The following ZCWPW2 variants were observed in gnomAD, a reference collection of about 807,000 sequenced individuals.
ZCWPW2 encodes the protein zinc finger CW-type PWWP domain protein 2.
Under a neutral mutation model 46.6 loss-of-function variants are expected in ZCWPW2, and 45 were observed. The ratio of observed to expected loss-of-function variants is 0.96; its 90% confidence interval spans 0.76 to 1.24. ZCWPW2 has a LOEUF of 1.24. ZCWPW2 is among the 50% of genes most tolerant of loss of function. The probability of loss-of-function intolerance (pLI) is 0.00; values close to 1 mark genes in which losing one functional copy is unlikely to be tolerated. For missense variants in ZCWPW2, 429 were observed against 403.9 expected (o/e 1.06, Z -0.53); for synonymous variants, 152 against 137.1 (o/e 1.11, Z -0.76).
intron 5 of ZCWPW2, among the ~76,000 whole-genome samples, chr3:28,490,163 A>C (rs1218778626): frequency 6.6e-6 from 1 of 152,156 alleles, no homozygotes; most frequent in Non-Finnish European, 1.5e-5. Context: ...AAAAAGTCAA[A>C]AAATAACAAA....
rs1704411601 is a variant in ZCWPW2 at position 28,349,035 on chromosome 3, C to T, written c.-302C>T. On this transcript the variant is annotated 5_prime_UTR_variant, in exon 1 of 10. Coordinates refer to ENST00000383768, the MANE Select transcript of ZCWPW2 (RefSeq NM_001040432.4). ...TCGGCGCCAGGGACGCGCGAGGAAACCGGAAGTCAGGCCCGAGGGAGCTGG... is the reference window on the plus strand; with the variant it reads ...TCGGCGCCAGGGACGCGCGAGGAAATCGGAAGTCAGGCCCGAGGGAGCTGG... 2 of 986,322 alleles carry T rather than the reference C, an allele frequency of 2.0e-6. No homozygotes were observed. The highest frequency in any genetic ancestry group is 4.7e-5 in the South Asian group (1 of 21,322). 61.1% of individuals were successfully genotyped at this position (986,322 alleles called of 1,614,324 possible). A position where few individuals can be genotyped will look rare whatever the true frequency, so the allele number is the denominator to read the frequency against.
At chr3:28,448,820 A>G (rs1698108313) in intron 4 of ZCWPW2, among the ~76,000 whole-genome samples, 1 of 138,768 alleles carries the variant, frequency 7.2e-6, no homozygotes, top group South Asian at 2.3e-4. Context: ...AAAAAAAAAA[A>G]AAAAAAAAAA....
At chr3:28,464,325 G>C (rs1275459327) in intron 4 of ZCWPW2, among the ~76,000 whole-genome samples, 1 of 152,036 alleles carries the variant, frequency 6.6e-6, no homozygotes, top group Non-Finnish European at 1.5e-5. Flanking sequence ...CCAGGGGTCA[G>C]TTTAAAAGGG....
intron 1 of ZCWPW2, among the ~76,000 whole-genome samples, chr3:28,387,600 CTTTA>C (rs1575076299): frequency 2.0e-5 from 3 of 152,072 alleles, no homozygotes; most frequent in Non-Finnish European, 4.4e-5. Flanking sequence ...ATTAGATTTG[CTTTA>C]TTTATCTTTA....
intron 6 of ZCWPW2, among the ~76,000 whole-genome samples, chr3:28,500,985 T>C (rs985553488): frequency 6.6e-6 from 1 of 151,600 alleles, no homozygotes; most frequent in Non-Finnish European, 1.5e-5. Flanking sequence ...TAGGCCAGTG[T>C]TCCCCAGACT....
intron 1 of ZCWPW2, among the ~76,000 whole-genome samples, chr3:28,381,000 GTATATATATATATATATATATT>G (rs1695059304): frequency 6.6e-4 from 3 of 4,566 alleles, no homozygotes; most frequent in African/African-American, 3.3e-3. Flanking sequence ...TATATATTTG[GTATATATATATATATATATATT>G]TGGTATATAT....
At chr3:28,475,978 G>A (rs1034670567) in intron 4 of ZCWPW2, among the ~76,000 whole-genome samples, 1 of 151,894 alleles carries the variant, frequency 6.6e-6, no homozygotes, top group African/African-American at 2.4e-5. Flanking sequence ...AGCTTTGTCT[G>A]TTTTCTTCAA....
intron 1 of ZCWPW2, among the ~76,000 whole-genome samples, chr3:28,372,841 G>A (rs1230300060): frequency 6.6e-6 from 1 of 152,070 alleles, no homozygotes; most frequent in African/African-American, 2.4e-5. Flanking sequence ...TGTACCCATT[G>A]TTTAGCTGTC....
At chr3:28,422,124 C>T (rs1238464733) in intron 3 of ZCWPW2, among the ~76,000 whole-genome samples, 1 of 152,092 alleles carries the variant, frequency 6.6e-6, no homozygotes, top group East Asian at 1.9e-4. Context: ...CTTTCTCCCT[C>T]TGACACCCAC....
At chr3:28,488,572 G>A (rs1699687303) in intron 5 of ZCWPW2, among the ~76,000 whole-genome samples, 1 of 152,124 alleles carries the variant, frequency 6.6e-6, no homozygotes, top group African/African-American at 2.4e-5. Context: ...ATTGAATTAT[G>A]TTAATATTTG....
intron 1 of ZCWPW2, among the ~76,000 whole-genome samples, chr3:28,379,139 T>G (rs555087084): frequency 5.1e-4 from 78 of 152,104 alleles, no homozygotes; most frequent in Non-Finnish European, 8.4e-4. Flanking sequence ...TAGCAAACCC[T>G]CAAGAAAAAG....
At chr3:28,433,953 A>T (rs1414440362) in intron 3 of ZCWPW2, among the ~76,000 whole-genome samples, 2 of 147,846 alleles carry the variant, frequency 1.4e-5, no homozygotes, top group East Asian at 2.0e-4. Context: ...AATATCTGTG[A>T]TATTCCTCCT....
intron 2 of ZCWPW2, among the ~76,000 whole-genome samples, chr3:28,397,254 A>C (rs139315126): frequency 6.6e-6 from 1 of 152,366 alleles, no homozygotes; most frequent in African/African-American, 2.4e-5. Context: ...AAGAATTTAT[A>C]TTGGCTATAC....
At chr3:28,475,827 C>G (rs1450001042) in intron 4 of ZCWPW2, among the ~76,000 whole-genome samples, 1 of 152,096 alleles carries the variant, frequency 6.6e-6, no homozygotes, top group African/African-American at 2.4e-5. Context: ...GTTACCTTGA[C>G]CACTCATTAC....
At chr3:28,474,750 A>G (rs1381687246) in intron 4 of ZCWPW2, among the ~76,000 whole-genome samples, 1 of 152,134 alleles carries the variant, frequency 6.6e-6, no homozygotes, top group African/African-American at 2.4e-5. Context: ...CCTCGATGTC[A>G]TAATTATCTT....
chr3:28,464,084 A>G (rs560920670), intron 4 of ZCWPW2, among the ~76,000 whole-genome samples: 3 of 150,160 alleles, frequency 2.0e-5, no homozygotes, highest in East Asian at 3.9e-4. Flanking sequence ...GAAGATGGCC[A>G]TTTTTCTTTA....
At chr3:28,365,029 T>C (rs1334790776) in intron 1 of ZCWPW2, among the ~76,000 whole-genome samples, 4 of 152,068 alleles carry the variant, frequency 2.6e-5, no homozygotes, top group African/African-American at 9.7e-5. Context: ...TTGAGTTCAT[T>C]GTAGATTCTG....
rs116265329 is a variant in ZCWPW2 at position 28,443,328 on chromosome 3, G to A, written c.492+8059G>A. On this transcript the variant is annotated intron_variant, in intron 4 of 9. Coordinates refer to ENST00000383768, the MANE Select transcript of ZCWPW2 (RefSeq NM_001040432.4). ...AGAAAGGTTCACTGCATAAATTGTC[G>A]GTAATTTAGTGGGGTCCTTCCTCAA... Among the ~76,000 whole-genome samples, 1,044 of 152,196 alleles carry A rather than the reference G, an allele frequency of 6.9e-3. 10 individuals are homozygous for A. The highest frequency in any genetic ancestry group is 0.023 in the African/African-American group (947 of 41,516).
intron 6 of ZCWPW2, among the ~76,000 whole-genome samples, chr3:28,498,709 T>C (rs981010294): frequency 6.6e-6 from 1 of 151,952 alleles, no homozygotes; most frequent in African/African-American, 2.4e-5. Flanking sequence ...TGCAGGTTTG[T>C]TACATAGGTA....
Sources: allele counts gnomAD v4.1 joint callset (sites outside exome capture counted in the v4.1 genomes callset), GRCh38; gene constraint gnomAD v4.1.1; transcripts MANE v1.5; gene names NCBI Gene and HGNC (gene_info 2026-07-23, HGNC 2026-07-21).